Variants in HMGXB4 observed in about 807,000 individuals in gnomAD.
HMGXB4 encodes HMG-box containing 4.
In HMGXB4, 27 loss-of-function variants were observed where a neutral mutation model predicts 63.9. The ratio of observed to expected loss-of-function variants is 0.42; its 90% confidence interval spans 0.31 to 0.58. The LOEUF is 0.58. Among genes scored for constraint, HMGXB4 ranks in the 20% least tolerant of loss-of-function variants. The pLI, the probability that HMGXB4 is intolerant of heterozygous loss-of-function variation, is 0.13. For missense variants in HMGXB4, 624 were observed against 700.7 expected, an observed-to-expected ratio of 0.89 and a Z score of 1.24; for synonymous variants, 264 against 265.3, an observed-to-expected ratio of 0.99 and a Z score of 0.05.
rs1457560812 is a variant in HMGXB4, at chr22:35,284,011, G to A, written c.1265G>A (p.Arg422His). The A allele has an allele frequency of 1.9e-6, 3 of 1,614,054 alleles. No individual in the cohort carries two copies. Among genetic ancestry groups the A allele is most frequent in the Non-Finnish European group, 2.5e-6 (3 of 1,179,926 alleles). ...SAYQVFCKEY[R>H]VTIVADHPGI... ...TACCAGGTGTTCTGTAAAGAGTATC[G>A]CGTGACCATTGTGGCTGACCATCCA... The change falls in exon 6 of 11, where the codon CGC becomes CAC. Residue 422 changes from arginine to histidine, a missense_variant. Around this residue, in one of 2 missense-constraint regions of HMGXB4, gnomAD observed 152 missense variants for 230.1 expected, o/e 0.66. Transcript: ENST00000216106.
chr22:35,246,945 C>A, the HMGXB4 span, among the ~76,000 whole-genome samples: 2 of 152,198 alleles, frequency 1.3e-5, no homozygotes, highest in Non-Finnish European at 2.9e-5. Context: ...TTCCCTCCAC[C>A]TTCTTGAACA....
chr22:35,249,707 G>A, the HMGXB4 span: 1 of 99,104 alleles, frequency 1.0e-5, no homozygotes, highest in African/African-American at 2.6e-5. Context: ...ATGGATGTTT[G>A]TACTTTGAAA....
intron 5 of HMGXB4, among the ~76,000 whole-genome samples, chr22:35,275,175 A>G (rs1217743057): frequency 7.2e-6 from 1 of 139,474 alleles, no homozygotes; most frequent in Non-Finnish European, 1.5e-5. Flanking sequence ...GCTGTAGTAC[A>G]ATGGTGCGAT....
At chr22:35,244,420 C>T in the HMGXB4 span, among the ~76,000 whole-genome samples, 5 of 151,994 alleles carry the variant, frequency 3.3e-5, no homozygotes, top group African/African-American at 1.2e-4. Flanking sequence ...AAAAATTCCT[C>T]CCCATCTAAT....
chr22:35,293,723 T>C lies in HMGXB4; in HGVS notation c.*72T>C. 1 of 1,122,830 alleles carries C rather than the reference T, an allele frequency of 8.9e-7. No individual in the cohort carries two copies. The highest frequency in any genetic ancestry group is 1.8e-5 in the Admixed American group (1 of 56,114). 69.6% of individuals were successfully genotyped at this position (1,122,830 alleles called of 1,614,324 possible). A position where few individuals can be genotyped will look rare whatever the true frequency, so the allele number is the denominator to read the frequency against. On this transcript the variant is annotated 3_prime_UTR_variant, in exon 11 of 11. Coordinates refer to ENST00000216106, the MANE Select transcript of HMGXB4 (RefSeq NM_001003681.3). Reference sequence around the variant, plus strand: ...TTTGTGTATATATGACTGTTGCAGATTCCTTCAGTGGCCTCTGGCTGTAGG... The same window carrying C: ...TTTGTGTATATATGACTGTTGCAGACTCCTTCAGTGGCCTCTGGCTGTAGG...
chr22:35,255,208 C>G (rs1458795835), upstream of HMGXB4, among the ~76,000 whole-genome samples: 1 of 152,090 alleles, frequency 6.6e-6, no homozygotes, highest in Admixed American at 6.6e-5. Context: ...AAAAGAAACT[C>G]CTTCCAGGGC....
At chr22:35,289,929 A>G (rs1924825623) in intron 9 of HMGXB4, among the ~76,000 whole-genome samples, 1 of 152,234 alleles carries the variant, frequency 6.6e-6, no homozygotes, top group African/African-American at 2.4e-5. Flanking sequence ...TAGTGTAGGA[A>G]TGTAAAACTA....
chr22:35,265,627 G>C lies in HMGXB4; in HGVS notation c.1215+24G>C, dbSNP rs571369776. ...AGGTAAAGCATCTTTTAAGTGTGGT[G>C]GGGGTAAGAGATTAAGCAGGTTCTT... On this transcript the variant is annotated intron_variant, in intron 5 of 10. Transcript: ENST00000216106. 10 of 1,512,894 alleles carry C rather than the reference G, an allele frequency of 6.6e-6. No homozygotes were observed. In the South Asian group the frequency reaches 1.2e-4, roughly 18 times the overall value. 93.7% of individuals were successfully genotyped at this position (1,512,894 alleles called of 1,614,324 possible). A position where few individuals can be genotyped will look rare whatever the true frequency, so the allele number is the denominator to read the frequency against.
chr22:35,263,025 A>G (rs1475464716), intron 2 of HMGXB4, 53 bp from the exon 3 acceptor site: 5 of 1,553,190 alleles, frequency 3.2e-6, no homozygotes, highest in South Asian at 2.3e-5. Context: ...CGATTTGGTC[A>G]TTACTTACTT....
chr22:35,263,093 A>G lies in HMGXB4; in HGVS notation c.47A>G (p.Asp16Gly). 1.2e-6 allele frequency: 2 copies of G among 1,613,730 alleles called. No individual in the cohort carries two copies. Among genetic ancestry groups the G allele is most frequent in the South Asian group, 2.2e-5 (2 of 91,008 alleles). Residue 16 changes from aspartate (D) to glycine (G), a missense_variant, in exon 3 of 11, where the codon GAT becomes GGT. This residue lies in a region of HMGXB4 where 472 missense variants were observed against 470.6 expected (regional missense o/e 1.00). Transcript: ENST00000216106. ...SVKKEDCFDG[D>G]HTFEDIGLAA... ...TGCTTCTCAGATTGTTTTGATGGTG[A>G]TCATACCTTTGAGGACATAGGACTT... is the stretch of plus-strand genomic sequence containing the variant.
chr22:35,261,299 G>T (rs191292564), intron 1 of HMGXB4, among the ~76,000 whole-genome samples: 1 of 152,032 alleles, frequency 6.6e-6, no homozygotes, highest in Admixed American at 6.5e-5. Flanking sequence ...AGCCAGGCTC[G>T]GTGGCAGGCG....
the HMGXB4 span, among the ~76,000 whole-genome samples, chr22:35,251,682 G>A: frequency 2.5e-4 from 38 of 152,122 alleles, no homozygotes; most frequent in Non-Finnish European, 2.8e-4. Flanking sequence ...TTATTTTCGT[G>A]GCTTTATCTA....
intron 5 of HMGXB4, among the ~76,000 whole-genome samples, chr22:35,267,855 A>G (rs1923357929): frequency 6.6e-6 from 1 of 152,206 alleles, no homozygotes; most frequent in Admixed American, 6.5e-5. Flanking sequence ...TATCTTTCTT[A>G]ATGTATCTCA....
intron 9 of HMGXB4, among the ~76,000 whole-genome samples, chr22:35,291,060 C>G (rs141284122): frequency 4.6e-5 from 7 of 152,092 alleles, no homozygotes; most frequent in Admixed American, 3.3e-4. Flanking sequence ...GCTAGCAGTT[C>G]GAGACCAGCC....
intron 5 of HMGXB4, among the ~76,000 whole-genome samples, chr22:35,273,347 C>G (rs1466351156): frequency 1.3e-5 from 2 of 152,200 alleles, no homozygotes; most frequent in African/African-American, 4.8e-5. Flanking sequence ...TTACTCCGTG[C>G]CATGATAGAT....
intron 9 of HMGXB4, among the ~76,000 whole-genome samples, chr22:35,289,276 T>G (rs370616117): frequency 2.0e-5 from 3 of 151,824 alleles, no homozygotes; most frequent in South Asian, 4.2e-4. Context: ...CTGGGCAACA[T>G]AGCGAGACCC....
Position 35,295,711 on chromosome 22 carries a change from A to G in HMGXB4, c.*2060A>G, listed in dbSNP as rs950592057. On this transcript the variant is annotated 3_prime_UTR_variant, in exon 11 of 11. Transcript: ENST00000216106. ...ATCATTGTTTTATTTTGTTTTTTAA[A>G]TAAATTCTAGTGGTTTGATCCAAAT... is the stretch of plus-strand genomic sequence containing the variant. 2 of 152,612 alleles carry G rather than the reference A, an allele frequency of 1.3e-5. No individual in the cohort carries two copies. Among genetic ancestry groups the G allele is most frequent in the Admixed American group, 6.5e-5 (1 of 15,278 alleles). The allele number at this position is 152,612 out of a possible 1,614,324, so 9.5% of individuals were successfully genotyped here.
chr22:35,294,834 TTTCC>T lies in HMGXB4; in HGVS notation c.*1193_*1196del, dbSNP rs1208561422. On this transcript the variant is annotated 3_prime_UTR_variant, in exon 11 of 11. Transcript: ENST00000216106. The stretch of plus-strand genomic sequence containing the variant: ...CCTTCCTTCCCTGTTTCCTTCCCTC[TTTCC>T]TTCCTTCCTCCTGGTCTGTTCCAAA... The T allele has an allele frequency of 6.6e-6, 1 of 152,142 alleles. No individual in the cohort carries two copies. The highest frequency in any genetic ancestry group is 1.5e-5 in the Non-Finnish European group (1 of 68,006). The allele number at this position is 152,142 out of a possible 1,614,324, so 9.4% of individuals were successfully genotyped here.
Position 35,265,195 on chromosome 22 carries a change from T to C in HMGXB4, c.807T>C (p.Ser269=). 1.2e-6 allele frequency: 2 copies of C among 1,614,120 alleles called. No homozygotes were observed. The highest frequency in any genetic ancestry group is 8.5e-7 in the Non-Finnish European group (1 of 1,180,006). ...CTCCTGGCCCTGAAGGCTGTGGGTC[T>C]GACGCCTCCCAGTTCGCAGAGTCCC... ...HSSPGPEGCG[S]DASQFAESHS... The change falls in exon 5 of 11, where the codon TCT becomes TCC. Residue 269 remains serine, a synonymous_variant. Transcript: ENST00000216106.
Sources: gnomAD v4.1 joint callset for allele counts (sites outside exome capture counted in the v4.1 genomes callset) on GRCh38, gnomAD v4.1.1 for gene constraint, gnomAD v4.1.1 regional missense constraint, MANE v1.5 for transcripts, NCBI Gene and HGNC (gene_info 2026-07-23, HGNC 2026-07-21) for gene names.